Variants in AGBL1 observed in about 807,000 individuals in gnomAD.
AGBL1 encodes cytosolic carboxypeptidase 4.
Under a neutral mutation model 118.9 loss-of-function variants are expected in AGBL1, and 130 were observed. The ratio of observed to expected loss-of-function variants is 1.09; its 90% CI spans 0.95 to 1.26. The LOEUF (loss-of-function observed/expected upper bound fraction) is 1.26, where lower values mean the gene tolerates loss of function less well. Among genes scored for constraint, AGBL1 ranks in the 50% most tolerant of loss-of-function variants. The probability of loss-of-function intolerance (pLI) is 0.00; values close to 1 mark genes in which losing one functional copy is unlikely to be tolerated. For missense variants in AGBL1, 1,584 were observed against 1,298.1 expected (o/e 1.22, Z -3.38); for synonymous variants, 555 against 478.9 (o/e 1.16, Z -2.08).
At chr15:86,654,666 C>T (rs1041626812) in intron 21 of AGBL1, among the ~76,000 whole-genome samples, 2 of 151,874 alleles carry the variant, frequency 1.3e-5, no homozygotes, top group African/African-American at 4.8e-5. Flanking sequence ...TGTTGGCATC[C>T]CCTTTTGTTT....
At chr15:86,823,479 C>A (rs2078968569) in intron 22 of AGBL1, among the ~76,000 whole-genome samples, 1 of 152,120 alleles carries the variant, frequency 6.6e-6, no homozygotes, top group Admixed American at 6.6e-5. Flanking sequence ...GAGTCTTTCT[C>A]GTATCCTTCA....
At chr15:86,279,098 A>G (rs146478329) in intron 15 of AGBL1, among the ~76,000 whole-genome samples, 278 of 152,334 alleles carry the variant, frequency 1.8e-3, no homozygotes, top group Middle Eastern at 0.01. Flanking sequence ...TTCATCATCC[A>G]CATGATGGGT....
chr15:86,260,403 T>C (rs2142022620), intron 9 of AGBL1, among the ~76,000 whole-genome samples: 1 of 152,310 alleles, frequency 6.6e-6, no homozygotes, highest in South Asian at 2.1e-4. Flanking sequence ...ATGATTTGAT[T>C]GAAAACTGCC....
At chr15:86,739,819 C>G (rs1033625913) in intron 22 of AGBL1, among the ~76,000 whole-genome samples, 1 of 152,142 alleles carries the variant, frequency 6.6e-6, no homozygotes, top group African/African-American at 2.4e-5. Context: ...GCAGAGAGGA[C>G]TGGATACCTC....
At chr15:86,563,122 GT>G (rs1416105566) in intron 21 of AGBL1, among the ~76,000 whole-genome samples, 1 of 152,070 alleles carries the variant, frequency 6.6e-6, no homozygotes, top group Non-Finnish European at 1.5e-5. Context: ...TTTTTGAAGG[GT>G]TTTTTGTGTC....
At chr15:86,779,966 C>T (rs1195171540) in intron 22 of AGBL1, among the ~76,000 whole-genome samples, 2 of 151,864 alleles carry the variant, frequency 1.3e-5, no homozygotes, top group East Asian at 3.9e-4. Context: ...ACTCCCTTGT[C>T]AGTATGTTTT....
intron 19 of AGBL1, among the ~76,000 whole-genome samples, chr15:86,526,350 A>G (rs186738704): frequency 6.9e-4 from 105 of 152,146 alleles, no homozygotes; most frequent in African/African-American, 2.5e-3. Flanking sequence ...TGATCCAGCA[A>G]TCCCACTACT....
intron 15 of AGBL1, among the ~76,000 whole-genome samples, chr15:86,272,593 C>T (rs372858867): frequency 9.2e-5 from 14 of 152,196 alleles, no homozygotes; most frequent in African/African-American, 3.4e-4. Flanking sequence ...AGAGTATATA[C>T]CCTTATGCCT....
rs565422838 is a variant in AGBL1, at chr15:86,573,123, A to G, written c.2994+18586A>G. On this transcript the variant is annotated intron_variant, in intron 21 of 22. Transcript: ENST00000614907. ...GTCAACATATATTTACTAGTTATCT[A>G]CTTTGTTTTAAGCTGAAGTTTGTGA... Among the ~76,000 whole-genome samples, 3 of 152,322 alleles carry G rather than the reference A, an allele frequency of 2.0e-5. No homozygotes were observed. The East Asian group carries it at 5.8e-4, about 29-fold the overall frequency.
At chr15:86,932,188 T>A (rs2080614176) in intron 23 of AGBL1, among the ~76,000 whole-genome samples, 1 of 152,180 alleles carries the variant, frequency 6.6e-6, no homozygotes, top group Non-Finnish European at 1.5e-5. Flanking sequence ...TCCAACACCC[T>A]CCCATTTGAA....
At chr15:86,522,671 C>T in intron 18 of AGBL1, 139 bp from the exon 19 acceptor site, 1 of 1,103,794 alleles carries the variant, frequency 9.1e-7, no homozygotes. Context: ...TTCTAGACAT[C>T]TGAAATTGAT....
chr15:86,624,285 G>A (rs770231658), intron 21 of AGBL1, among the ~76,000 whole-genome samples: 2 of 152,204 alleles, frequency 1.3e-5, no homozygotes, highest in African/African-American at 4.8e-5. Flanking sequence ...AAAAGTATGA[G>A]TCTAGCTGAT....
chr15:86,319,147 C>A (rs1422743253), intron 17 of AGBL1, among the ~76,000 whole-genome samples: 1 of 152,126 alleles, frequency 6.6e-6, no homozygotes, highest in African/African-American at 2.4e-5. Flanking sequence ...ACAAGGGATG[C>A]TGCTATGATG....
intron 24 of AGBL1, among the ~76,000 whole-genome samples, chr15:86,994,848 C>T (rs1216609783): frequency 2.0e-5 from 3 of 152,158 alleles, no homozygotes; most frequent in African/African-American, 4.8e-5. Flanking sequence ...TTTTATTTCT[C>T]AACCTTATAA....
chr15:86,502,224 A>G (rs1289588824), intron 18 of AGBL1, among the ~76,000 whole-genome samples: 1 of 151,466 alleles, frequency 6.6e-6, no homozygotes, highest in Non-Finnish European at 1.5e-5. Context: ...TGGCTTTTAA[A>G]TTTTATTTTT....
chr15:86,099,327 T>C (rs1386575695), intron 1 of AGBL1, among the ~76,000 whole-genome samples: 3 of 152,114 alleles, frequency 2.0e-5, no homozygotes, highest in African/African-American at 7.2e-5. Flanking sequence ...TATTGTGAGA[T>C]TGCTTTCTTG....
intron 5 of AGBL1, among the ~76,000 whole-genome samples, chr15:86,172,139 G>C (rs1425199656): frequency 1.3e-5 from 2 of 152,110 alleles, no homozygotes; most frequent in Non-Finnish European, 2.9e-5. Flanking sequence ...CACCATTAAA[G>C]AACTTATTCA....
intron 18 of AGBL1, among the ~76,000 whole-genome samples, chr15:86,484,093 A>T (rs2142129452): frequency 1.3e-5 from 2 of 152,210 alleles, no homozygotes; most frequent in Admixed American, 1.3e-4. Flanking sequence ...ATTCTTTTTC[A>T]TCTGCCAGCC....
At position 86,302,952 on chromosome 15, in the gene AGBL1, G is replaced by A. The variant is rs552465303; in HGVS notation, c.2374+7544G>A. Among the ~76,000 whole-genome samples the A allele has an allele frequency of 2.6e-5, 4 of 152,176 alleles. No individual in the cohort carries two copies. In the South Asian group the frequency reaches 8.3e-4, roughly 32 times the overall value. The stretch of plus-strand genomic sequence containing the variant: ...ATTGAAGGCAATTATGAGCTAATAG[G>A]ATGTTATTAAAAGCAGAGAAATGAC... On this transcript the variant is annotated intron_variant, in intron 17 of 22. Transcript: ENST00000614907.
Sources: gnomAD v4.1 joint callset for allele counts (sites outside exome capture counted in the v4.1 genomes callset) on GRCh38, gnomAD v4.1.1 for gene constraint, MANE v1.5 for transcripts, NCBI Gene and HGNC (gene_info 2026-07-23, HGNC 2026-07-21) for gene names.